Variants in PAPPA2 observed in about 807,000 individuals in gnomAD.
PAPPA2 encodes pappalysin-2.
A neutral mutation model predicts 176.4 loss-of-function variants in PAPPA2; 86 were observed. That is an observed-to-expected ratio of 0.49 (90% CI 0.41 to 0.58). PAPPA2 has a LOEUF of 0.58. Ranked by LOEUF, PAPPA2 falls within the 20% of genes least tolerant of loss-of-function variation. PAPPA2 has a pLI of 0.00. For missense variants in PAPPA2, 2,073 were observed against 2,256.9 expected, an observed-to-expected ratio of 0.92 and a Z score of 1.65; for synonymous variants, 809 against 852.2, an observed-to-expected ratio of 0.95 and a Z score of 0.88.
chr1:176,584,365 C>G (rs562005661), intron 2 of PAPPA2, among the ~76,000 whole-genome samples: 1 of 150,966 alleles, frequency 6.6e-6, no homozygotes, highest in Non-Finnish European at 1.5e-5. Context: ...ATCCTCTTGC[C>G]GAATTGATCC....
At chr1:176,693,898 C>T (rs1660236532) in intron 6 of PAPPA2, among the ~76,000 whole-genome samples, 1 of 152,182 alleles carries the variant, frequency 6.6e-6, no homozygotes, top group South Asian at 2.1e-4. Flanking sequence ...GTTTATGTAA[C>T]ACATGTAAAC....
intron 3 of PAPPA2, among the ~76,000 whole-genome samples, chr1:176,665,352 G>A (rs1658580986): frequency 6.6e-6 from 1 of 151,972 alleles, no homozygotes. Flanking sequence ...TATTTATCTT[G>A]TCTGTGGACA....
At chr1:176,529,406 T>G (rs1649673846) in intron 1 of PAPPA2, among the ~76,000 whole-genome samples, 1 of 151,762 alleles carries the variant, frequency 6.6e-6, no homozygotes, top group Admixed American at 6.6e-5. Flanking sequence ...TTTAGTAAAC[T>G]AAGGGAGGCA....
chr1:176,800,179 G>C (rs750096917), intron 21 of PAPPA2, 47 bp downstream of exon 21: 1 of 1,586,736 alleles, frequency 6.3e-7, no homozygotes, highest in East Asian at 2.2e-5. Context: ...AACTCAGGTG[G>C]ATTTAACTTA....
At chr1:176,778,474 ACT>A (rs1664561170) in intron 17 of PAPPA2, among the ~76,000 whole-genome samples, 1 of 152,142 alleles carries the variant, frequency 6.6e-6, no homozygotes, top group Non-Finnish European at 1.5e-5. Flanking sequence ...ATAGCTTGAA[ACT>A]CTGGAAGATT....
intron 21 of PAPPA2, among the ~76,000 whole-genome samples, chr1:176,835,732 G>A (rs543744366): frequency 8.6e-4 from 131 of 152,268 alleles, no homozygotes; most frequent in Non-Finnish European, 1.6e-3. Flanking sequence ...TTGTCAGGTT[G>A]GTCTCGAATT....
chr1:176,503,755 G>C (rs757197557), intron 1 of PAPPA2, among the ~76,000 whole-genome samples: 135 of 152,250 alleles, frequency 8.9e-4, no homozygotes, highest in Non-Finnish European at 8.1e-4. Context: ...ATTGGCTCTT[G>C]CCATTCTGGA....
chr1:176,660,336 T>TGTG (rs1658290885), intron 3 of PAPPA2, among the ~76,000 whole-genome samples: 21 of 122,028 alleles, frequency 1.7e-4, no homozygotes, highest in African/African-American at 5.7e-4. Context: ...AATTGTTTGT[T>TGTG]TGTGTGTGTG....
intron 1 of PAPPA2, among the ~76,000 whole-genome samples, chr1:176,524,877 A>C (rs912588503): frequency 1.3e-5 from 2 of 152,124 alleles, no homozygotes; most frequent in Non-Finnish European, 2.9e-5. Flanking sequence ...TACAAAAAAA[A>C]CAAAATAAAA....
intron 12 of PAPPA2, among the ~76,000 whole-genome samples, chr1:176,721,345 T>G (rs1228795129): frequency 6.6e-6 from 1 of 152,248 alleles, no homozygotes; most frequent in Non-Finnish European, 1.5e-5. Context: ...AAAATGAATT[T>G]AAATTCCCTA....
chr1:176,592,240 C>T (rs1214344736), intron 2 of PAPPA2, among the ~76,000 whole-genome samples: 1 of 152,126 alleles, frequency 6.6e-6, no homozygotes, highest in Admixed American at 6.5e-5. Context: ...ATCTAAGCAC[C>T]TAGTGAGGTT....
intron 14 of PAPPA2, among the ~76,000 whole-genome samples, chr1:176,748,721 A>G (rs1211289272): frequency 6.6e-6 from 1 of 152,192 alleles, no homozygotes; most frequent in Non-Finnish European, 1.5e-5. Flanking sequence ...TTCTATGTTT[A>G]GATTTGTTTA....
chr1:176,503,946 T>C (rs1384731177), intron 1 of PAPPA2, among the ~76,000 whole-genome samples: 2 of 152,130 alleles, frequency 1.3e-5, no homozygotes, highest in Admixed American at 1.3e-4. Context: ...TCTACAGAAG[T>C]GGGATGAAAA....
chr1:176,773,661 G>T (rs901587522), intron 17 of PAPPA2, among the ~76,000 whole-genome samples: 6 of 152,178 alleles, frequency 3.9e-5, no homozygotes, highest in Admixed American at 6.5e-5. Context: ...TTTTGAGGCT[G>T]AATGTCAGGT....
chr1:176,806,059 A>G (rs1283783120), intron 21 of PAPPA2, among the ~76,000 whole-genome samples: 1 of 147,560 alleles, frequency 6.8e-6, no homozygotes, highest in Non-Finnish European at 1.5e-5. Flanking sequence ...ATGACTTTTT[A>G]TTATACACTG....
chr1:176,647,872 T>C (rs977483529), intron 3 of PAPPA2, among the ~76,000 whole-genome samples: 1 of 151,562 alleles, frequency 6.6e-6, no homozygotes, highest in African/African-American at 2.4e-5. Context: ...AAATCAGGTA[T>C]TTTGAGGCCT....
rs758514987 is a variant in PAPPA2 at position 176,692,320 on chromosome 1, TGA to T, written c.2624+8_2624+9del. On this transcript the variant is annotated splice_donor_region_variant and intron_variant, in intron 6 of 22. Transcript: ENST00000367662. ...TATTAGTGGAGTTGTATATGACAGGTGAGAGAGGCACTGGCTGTGGGTGAGCT... is the reference window on the plus strand; with the variant it reads ...TATTAGTGGAGTTGTATATGACAGGTGAGAGGCACTGGCTGTGGGTGAGCT... 6.2e-7 allele frequency: 1 copy of T among 1,602,144 alleles called. No homozygotes were observed. Among genetic ancestry groups the T allele is most frequent in the South Asian group, 1.1e-5 (1 of 90,460 alleles).
At chr1:176,559,389 A>G (rs186835061) in intron 2 of PAPPA2, among the ~76,000 whole-genome samples, 3 of 152,306 alleles carry the variant, frequency 2.0e-5, no homozygotes, top group Admixed American at 6.5e-5. Context: ...ATTTCTGTAC[A>G]TCAGAAAATA....
chr1:176,561,440 A>G (rs934314703), intron 2 of PAPPA2, among the ~76,000 whole-genome samples: 1 of 152,118 alleles, frequency 6.6e-6, no homozygotes, highest in Admixed American at 6.5e-5. Context: ...CCACTAACCT[A>G]TCATTTTTCC....
Sources: gnomAD v4.1 joint callset for allele counts (sites outside exome capture counted in the v4.1 genomes callset) on GRCh38, gnomAD v4.1.1 for gene constraint, MANE v1.5 for transcripts, NCBI Gene and HGNC (gene_info 2026-07-23, HGNC 2026-07-21) for gene names.